Variants in PDE1A observed in about 807,000 individuals in gnomAD.
PDE1A encodes dual specificity calcium/calmodulin-dependent 3',5'-cyclic nucleotide phosphodiesterase 1A.
A neutral mutation model predicts 61.7 loss-of-function variants in PDE1A; 35 were observed. That is an observed-to-expected ratio of 0.57 (90% CI 0.43 to 0.75). The LOEUF is 0.75. Ranked by LOEUF, PDE1A falls within the 30% of genes least tolerant of loss-of-function variation. The pLI, the probability that PDE1A is intolerant of heterozygous loss-of-function variation, is 0.00. For missense variants in PDE1A, 597 were observed against 630.6 expected (o/e 0.95, Z 0.57); for synonymous variants, 232 against 213.2 (o/e 1.09, Z -0.77).
chr2:182,550,371 C>T, the PDE1A span, among the ~76,000 whole-genome samples: 1 of 152,112 alleles, frequency 6.6e-6, no homozygotes, highest in East Asian at 1.9e-4. Flanking sequence ...TGTAATAAAA[C>T]CCCATTCTCC....
intron 2 of PDE1A, among the ~76,000 whole-genome samples, chr2:182,443,700 CTTTTTTTTT>C (rs1213330952): frequency 4.3e-4 from 58 of 134,270 alleles, no homozygotes; most frequent in Non-Finnish European, 5.9e-4. Flanking sequence ...TTCTTTTTTC[CTTTTTTTTT>C]TTTTTTTTTT....
exon 13 of PDE1A, chr2:182,185,919 C>G (rs200296417): frequency 1.2e-5 from 19 of 1,613,946 alleles, no homozygotes; most frequent in Non-Finnish European, 1.6e-5. Flanking sequence ...TTCCACCTCT[C>G]TTTGTTCTGC....
chr2:182,532,498 A>T, the PDE1A span, among the ~76,000 whole-genome samples: 7 of 152,326 alleles, frequency 4.6e-5, no homozygotes, highest in African/African-American at 1.7e-4. Context: ...GTCATGAAGT[A>T]GATTAGTGGT....
At chr2:182,549,592 A>G in the PDE1A span, among the ~76,000 whole-genome samples, 1 of 152,142 alleles carries the variant, frequency 6.6e-6, no homozygotes, top group African/African-American at 2.4e-5. Context: ...TTTTCTGTCT[A>G]GATTATATTT....
the PDE1A span, among the ~76,000 whole-genome samples, chr2:182,592,027 T>C: frequency 2.6e-5 from 4 of 152,218 alleles, no homozygotes; most frequent in Non-Finnish European, 5.9e-5. Flanking sequence ...CTGCTTGTGG[T>C]GGGTGTATGC....
rs553721956 is a variant in PDE1A, at chr2:182,220,040, T to C, written c.776+3824A>G. 3.4e-3 allele frequency among the ~76,000 whole-genome samples: 516 copies of C among 152,206 alleles called. 2 individuals carry two copies. Among genetic ancestry groups the C allele is most frequent in the African/African-American group, 0.012 (502 of 41,566 alleles). On this transcript the variant is annotated intron_variant, in intron 7 of 13. Transcript: ENST00000351439. ...CAAGCTTTATTATTCATCCAACATA[T>C]GATAAATGACCTACCAGGCACTATT...
At chr2:182,286,254 C>CA (rs1275203042) in intron 1 of PDE1A, among the ~76,000 whole-genome samples, 1 of 152,100 alleles carries the variant, frequency 6.6e-6, no homozygotes, top group Admixed American at 6.6e-5. Context: ...TTGTAAATGA[C>CA]AGCCTTTTTT....
chr2:182,385,853 T>TCCTCTC (rs1275378944), intron 1 of PDE1A, among the ~76,000 whole-genome samples: 2 of 140,010 alleles, frequency 1.4e-5, no homozygotes, highest in African/African-American at 2.6e-5. Flanking sequence ...TCCCTCTCCC[T>TCCTCTC]CCTCTCCCTC....
At chr2:182,626,804 T>TATATATATAC in the PDE1A span, among the ~76,000 whole-genome samples, 4 of 15,972 alleles carry the variant, frequency 2.5e-4, no homozygotes, top group Non-Finnish European at 5.7e-4. Flanking sequence ...TATATATACA[T>TATATATATAC]ATATATATAC....
chr2:182,324,874 A>G (rs1696942673), intron 1 of PDE1A, among the ~76,000 whole-genome samples: 1 of 152,190 alleles, frequency 6.6e-6, no homozygotes, highest in Non-Finnish European at 1.5e-5. Context: ...AGTTCAGGAA[A>G]CATTTAAGTG....
chr2:182,503,430 T>C (rs1294986393), intron 2 of PDE1A, among the ~76,000 whole-genome samples: 1 of 152,150 alleles, frequency 6.6e-6, no homozygotes, highest in East Asian at 1.9e-4. Context: ...AATCTTGACT[T>C]CTTATCAAGG....
rs576515141 is a variant in PDE1A at position 182,180,055 on chromosome 2, T to G, written c.1516+5837A>C. 4.6e-5 allele frequency among the ~76,000 whole-genome samples: 7 copies of G among 152,252 alleles called. No homozygotes were observed. In the South Asian group the frequency reaches 1.5e-3, roughly 32 times the overall value. ...CTGCTTATTTTAATCTCAATGCAATTGTAATAAAGAAACTTTCATCTTCAG... is the reference window on the plus strand; with the variant it reads ...CTGCTTATTTTAATCTCAATGCAATGGTAATAAAGAAACTTTCATCTTCAG... On this transcript the variant is annotated intron_variant, in intron 13 of 13. Coordinates refer to ENST00000351439, the Ensembl canonical transcript of PDE1A.
chr2:182,654,484 C>T, the PDE1A span, among the ~76,000 whole-genome samples: 1 of 152,318 alleles, frequency 6.6e-6, no homozygotes, highest in South Asian at 2.1e-4. Context: ...TTAGCATCTG[C>T]TCTTCCAAGG....
At chr2:182,218,834 C>T (rs181759782) in intron 7 of PDE1A, among the ~76,000 whole-genome samples, 2 of 152,084 alleles carry the variant, frequency 1.3e-5, no homozygotes, top group South Asian at 2.1e-4. Context: ...TGGTGCTTAG[C>T]GTTGTTTTAA....
the PDE1A span, among the ~76,000 whole-genome samples, chr2:182,691,550 C>A: frequency 2.6e-5 from 4 of 152,120 alleles, no homozygotes. Flanking sequence ...TAAAGACTTA[C>A]ATGTTAGACC....
At chr2:182,319,497 C>T (rs1293255138) in intron 1 of PDE1A, among the ~76,000 whole-genome samples, 2 of 152,040 alleles carry the variant, frequency 1.3e-5, no homozygotes, top group African/African-American at 4.8e-5. Context: ...TTATTTACTC[C>T]TATATTTCTA....
chr2:182,367,739 T>C lies in PDE1A; in HGVS notation c.53+58839A>G, dbSNP rs1047778057. Among the ~76,000 whole-genome samples the C allele has an allele frequency of 2.0e-5, 3 of 152,084 alleles. No individual in the cohort carries two copies. The South Asian group carries it at 6.2e-4, about 31-fold the overall frequency. ...TAAAAAATTAATTGAAAAAATAAAA[T>C]TATATTTTGCCATGCACAGATGCCT... is the stretch of plus-strand genomic sequence containing the variant. On this transcript the variant is annotated intron_variant, in intron 1 of 13. Coordinates refer to ENST00000351439, the Ensembl canonical transcript of PDE1A.
At chr2:182,161,371 C>G (rs1204281356) in intron 13 of PDE1A, among the ~76,000 whole-genome samples, 1 of 150,706 alleles carries the variant, frequency 6.6e-6, no homozygotes, top group African/African-American at 2.5e-5. Context: ...ATGGAATTAT[C>G]TAAATGGGGA....
At chr2:182,292,953 C>G (rs974444971) in intron 1 of PDE1A, among the ~76,000 whole-genome samples, 3 of 151,936 alleles carry the variant, frequency 2.0e-5, no homozygotes, top group Non-Finnish European at 2.9e-5. Flanking sequence ...TTCAGTATAT[C>G]ATACATAAAA....
Sources: allele counts gnomAD v4.1 joint callset (sites outside exome capture counted in the v4.1 genomes callset), GRCh38; gene constraint gnomAD v4.1.1; transcripts MANE v1.5; gene names NCBI Gene and HGNC (gene_info 2026-07-23, HGNC 2026-07-21).